The following ATP8B1 variants were observed in gnomAD, a reference collection of about 807,000 sequenced individuals.
ATP8B1 encodes the protein phospholipid-transporting ATPase IC.
ATP8B1 carries 80 observed loss-of-function variants against 149.9 expected under a neutral mutation model. That is an observed-to-expected ratio of 0.53 (90% CI 0.45 to 0.64). The LOEUF (loss-of-function observed/expected upper bound fraction) is 0.64, where lower values mean the gene tolerates loss of function less well. Ranked by LOEUF, ATP8B1 falls within the 30% of genes least tolerant of loss-of-function variation. The pLI, the probability that ATP8B1 is intolerant of heterozygous loss-of-function variation, is 0.00. For synonymous variants in ATP8B1, 536 were observed against 562.8 expected, an observed-to-expected ratio of 0.95 and a Z score of 0.67; for missense variants, 1,247 against 1,552.6, an observed-to-expected ratio of 0.80 and a Z score of 3.31.
Position 57,655,303 on chromosome 18 carries a change from C to T in ATP8B1, c.2822G>A (p.Arg941Gln), listed in dbSNP as rs187630495. Residue 941 changes from arginine to glutamine, a missense_variant, in exon 23 of 28, where the codon CGA becomes CAA. Physicochemically the swap from Arg to Gln is conservative, Grantham distance 43 (BLOSUM62 1). This residue lies in a region of ATP8B1 where 230 missense variants were observed against 356.6 expected (regional missense o/e 0.65). Transcript: ENST00000648908. The stretch of plus-strand genomic sequence containing the variant: ...CTTGCACATCCTTATGTAAGACCAT[C>T]GGCCATGCACCAGCAGTAGCCTCTG... ...YLQRLLLVHG[R>Q]WSYIRMCKFL... is the part of the protein sequence containing the mutation. The T allele has an allele frequency of 9.3e-6, 15 of 1,614,092 alleles. No individual in the cohort carries two copies. The highest frequency in any genetic ancestry group is 1.3e-5 in the African/African-American group (1 of 75,048).
intron 15 of ATP8B1, among the ~76,000 whole-genome samples, chr18:57,676,717 CAAAA>C (rs58101846): frequency 2.2e-5 from 2 of 92,214 alleles, no homozygotes; most frequent in African/African-American, 4.3e-5. Context: ...GACTCCATTT[CAAAA>C]AAAAAAAAAA....
At chr18:57,739,470 T>C (rs2079889493) in intron 1 of ATP8B1, among the ~76,000 whole-genome samples, 1 of 152,206 alleles carries the variant, frequency 6.6e-6, no homozygotes, top group South Asian at 2.1e-4. Flanking sequence ...TTTATCTGCC[T>C]TTCCCACCAG....
chr18:57,765,326 G>A (rs1395027725), intron 1 of ATP8B1, among the ~76,000 whole-genome samples: 2 of 152,298 alleles, frequency 1.3e-5, no homozygotes, highest in South Asian at 2.1e-4. Flanking sequence ...GGATGGCGGT[G>A]ATGGCTGCAC....
rs1452513272 is a variant in ATP8B1 at position 57,684,107 on chromosome 18, T to G, written c.1559A>C (p.Lys520Thr). Residue 520 changes from lysine to threonine, a missense_variant, in exon 15 of 28, where the codon AAA becomes ACA. By Grantham distance (78) the Lys-to-Thr change is moderately conservative (BLOSUM62 -1). Transcript: ENST00000648908. ...GAAGAACTGTCGTACTTCTGGCTCT[T>G]TCCCTGACTGGATTTGCTCAATAAG... ...HYLIEQIQSG[K>T]EPEVRQFFFL... 1 of 1,614,168 alleles carries G rather than the reference T, an allele frequency of 6.2e-7. No homozygotes were observed. Among genetic ancestry groups the G allele is most frequent in the Non-Finnish European group, 8.5e-7 (1 of 1,180,026 alleles).
At chr18:57,665,858 AC>A (rs1257547313) in intron 20 of ATP8B1, among the ~76,000 whole-genome samples, 1 of 152,046 alleles carries the variant, frequency 6.6e-6, no homozygotes, top group Non-Finnish European at 1.5e-5. Flanking sequence ...GCCTGTTGCT[AC>A]TTTTTTAAAA....
chr18:57,781,408 T>TA (rs2080355596), intron 1 of ATP8B1, among the ~76,000 whole-genome samples: 5 of 152,232 alleles, frequency 3.3e-5, no homozygotes, highest in Non-Finnish European at 7.3e-5. Flanking sequence ...CAGAACCACC[T>TA]GTTTTTGAGC....
Position 57,701,443 on chromosome 18 carries a change from A to G in ATP8B1, c.394-130T>C, listed in dbSNP as rs1007721401. 205 of 823,474 alleles carry G rather than the reference A, an allele frequency of 2.5e-4. 1 individual carries two copies. Among genetic ancestry groups the G allele is most frequent in the Non-Finnish European group, 2.4e-4 (116 of 486,698 alleles). 51.0% of individuals were successfully genotyped at this position (823,474 alleles called of 1,614,324 possible). The stretch of plus-strand genomic sequence containing the variant: ...CATCACATAAGTCTACATCCTGCAG[A>G]GTATATAGGAAAGGCTCTTCAAGCA... On this transcript the variant is annotated intron_variant, in intron 4 of 27. Transcript: ENST00000648908.
intron 1 of ATP8B1, among the ~76,000 whole-genome samples, chr18:57,771,852 A>G (rs1294571028): frequency 6.6e-6 from 1 of 152,180 alleles, no homozygotes; most frequent in Non-Finnish European, 1.5e-5. Context: ...TAAGGCACAC[A>G]ACTCATGATA....
intron 18 of ATP8B1, 186 bp from the exon 19 acceptor site, chr18:57,668,726 C>A: frequency 1.8e-6 from 1 of 556,654 alleles, no homozygotes; most frequent in Non-Finnish European, 3.1e-6. Context: ...CAAACCAACA[C>A]ACCTAAAAAC....
Position 57,706,365 on chromosome 18 carries a change from T to C in ATP8B1, c.279+125A>G, listed in dbSNP as rs149360933. On this transcript the variant is annotated intron_variant, in intron 3 of 27. Coordinates refer to ENST00000648908, the MANE Select transcript of ATP8B1 (RefSeq NM_001374385.1). Reference sequence around the variant, plus strand: ...AAATGACATTCTATAGAAACAATGATGATTATCAGTAGCCCCAGGCAGGTG... The same window carrying C: ...AAATGACATTCTATAGAAACAATGACGATTATCAGTAGCCCCAGGCAGGTG... 1,208 of 750,842 alleles carry C rather than the reference T, an allele frequency of 1.6e-3. 3 individuals carry two copies. The highest frequency in any genetic ancestry group is 2.2e-3 in the South Asian group (143 of 66,052). The allele number at this position is 750,842 out of a possible 1,614,324, so 46.5% of individuals were successfully genotyped here.
chr18:57,700,195 A>G (rs1913050487), intron 6 of ATP8B1, among the ~76,000 whole-genome samples: 1 of 152,236 alleles, frequency 6.6e-6, no homozygotes, highest in Non-Finnish European at 1.5e-5. Context: ...AGAAATACTG[A>G]AATGTAAAAC....
intron 13 of ATP8B1, among the ~76,000 whole-genome samples, 154 bp downstream of exon 13, chr18:57,688,145 T>A (rs1341777164): frequency 6.6e-6 from 1 of 152,142 alleles, no homozygotes; most frequent in Non-Finnish European, 1.5e-5. Flanking sequence ...TCCATGGTGC[T>A]CCTCTGGTGC....
In ATP8B1 at chr18:57,648,197, G is replaced by A; in HGVS notation, c.*291C>T. On this transcript the variant is annotated 3_prime_UTR_variant, in exon 28 of 28. Coordinates refer to ENST00000648908, the MANE Select transcript of ATP8B1 (RefSeq NM_001374385.1). ...GACAGGGTTTCACCATGTTGGCTGGGCTGGTCTCGAACTCCTGGCCTCAGG... is the reference window on the plus strand; with the variant it reads ...GACAGGGTTTCACCATGTTGGCTGGACTGGTCTCGAACTCCTGGCCTCAGG... 2.0e-6 allele frequency: 1 copy of A among 509,142 alleles called. No individual in the cohort carries two copies. Among genetic ancestry groups the A allele is most frequent in the Non-Finnish European group, 3.6e-6 (1 of 280,610 alleles). 31.5% of individuals were successfully genotyped at this position (509,142 alleles called of 1,614,324 possible).
Position 57,731,597 on chromosome 18 carries a change from G to C in ATP8B1, c.181+30C>G, listed in dbSNP as rs34489428. On this transcript the variant is annotated intron_variant, in intron 2 of 27. Coordinates refer to ENST00000648908, the MANE Select transcript of ATP8B1 (RefSeq NM_001374385.1). ...ATGACCCACATGAGGATTTATAAGC[G>C]ACCTAGTCACCGGGACTTCATGTGG... 5 of 1,611,750 alleles carry C rather than the reference G, an allele frequency of 3.1e-6. No homozygotes were observed. The East Asian group carries it at 1.1e-4, about 36-fold the overall frequency.
chr18:57,730,380 C>G (rs905849051), intron 2 of ATP8B1, among the ~76,000 whole-genome samples: 6 of 15,406 alleles, frequency 3.9e-4, no homozygotes, highest in Non-Finnish European at 8.1e-4. Context: ...AGCGCTGAAA[C>G]CAGAACACTA....
intron 15 of ATP8B1, among the ~76,000 whole-genome samples, chr18:57,676,744 A>G (rs1911623327): frequency 6.6e-6 from 1 of 151,240 alleles, no homozygotes; most frequent in Non-Finnish European, 1.5e-5. Context: ...AAAAAGAAAG[A>G]AAGAAAAGTT....
At position 57,713,239 on chromosome 18, in the gene ATP8B1, C is replaced by T. The variant is rs540604588; in HGVS notation, c.182-6652G>A. On this transcript the variant is annotated intron_variant, in intron 2 of 27. Transcript: ENST00000648908. ...TCCTTCCTTCCTTCCTTCCTTCCTT[C>T]CTTCTTTCTTTCTTTCTTTCTTTCT... is the stretch of plus-strand genomic sequence containing the variant. Among the ~76,000 whole-genome samples, 5 of 127,014 alleles carry T rather than the reference C, an allele frequency of 3.9e-5. No individual in the cohort carries two copies. In the South Asian group the frequency reaches 1.3e-3, roughly 33 times the overall value. 83.3% of individuals were successfully genotyped at this position (127,014 alleles called of 152,430 possible).
At chr18:57,732,018 G>T in intron 1 of ATP8B1, 186 bp from the exon 2 acceptor site, 1 of 537,714 alleles carries the variant, frequency 1.9e-6, no homozygotes, top group Non-Finnish European at 3.3e-6. Flanking sequence ...CTGATTAAAT[G>T]CTTGGGTAAG....
chr18:57,791,802 G>A (rs2080467387), intron 1 of ATP8B1, among the ~76,000 whole-genome samples: 1 of 151,950 alleles, frequency 6.6e-6, no homozygotes, highest in Admixed American at 6.6e-5. Context: ...TTTCTTTAAG[G>A]CCTTTATCAC....
Sources: gnomAD v4.1 joint callset for allele counts (sites outside exome capture counted in the v4.1 genomes callset) on GRCh38, gnomAD v4.1.1 for gene constraint, gnomAD v4.1.1 regional missense constraint, MANE v1.5 for transcripts, NCBI Gene and HGNC (gene_info 2026-07-23, HGNC 2026-07-21) for gene names.